The following NKAIN2 variants were observed in gnomAD, a reference collection of about 807,000 sequenced individuals.
The protein encoded by NKAIN2 is sodium/potassium-transporting ATPase subunit beta-1-interacting protein 2.
Under a neutral mutation model 32.6 loss-of-function variants are expected in NKAIN2, and 14 were observed. The observed-to-expected ratio is 0.43, with a 90% confidence interval of 0.28 to 0.67. The LOEUF (loss-of-function observed/expected upper bound fraction) is 0.67. NKAIN2 is among the 30% of genes least tolerant of loss of function. NKAIN2 has a pLI of 0.17. For synonymous variants in NKAIN2, 80 were observed against 87.2 expected (o/e 0.92, Z 0.46); for missense variants, 198 against 258.3 (o/e 0.77, Z 1.60).
intron 1 of NKAIN2, among the ~76,000 whole-genome samples, chr6:124,242,306 C>G (rs1793148412): frequency 1.3e-5 from 2 of 152,114 alleles, no homozygotes; most frequent in Admixed American, 6.6e-5. Context: ...CTCATCATCA[C>G]TGGTCATTAG....
chr6:124,478,255 T>G (rs1168693837), intron 3 of NKAIN2, among the ~76,000 whole-genome samples: 1 of 152,186 alleles, frequency 6.6e-6, no homozygotes, highest in Non-Finnish European at 1.5e-5. Context: ...TAATATTAGT[T>G]GCACTGTCAG....
chr6:124,817,035 A>T (rs1234948299), intron 5 of NKAIN2, among the ~76,000 whole-genome samples: 1 of 152,168 alleles, frequency 6.6e-6, no homozygotes, highest in Non-Finnish European at 1.5e-5. Flanking sequence ...ACAGGCACAG[A>T]GGGGATGGCT....
chr6:124,710,554 T>G (rs1170654429), intron 4 of NKAIN2, among the ~76,000 whole-genome samples: 3 of 152,132 alleles, frequency 2.0e-5, no homozygotes, highest in Non-Finnish European at 2.9e-5. Context: ...TTAGCTCTTC[T>G]TGTTGAATTG....
intron 1 of NKAIN2, among the ~76,000 whole-genome samples, chr6:123,997,847 C>T (rs1461378772): frequency 1.3e-5 from 2 of 152,038 alleles, no homozygotes; most frequent in Non-Finnish European, 2.9e-5. Context: ...TCGTGATCCT[C>T]CCGCCTCGGC....
intron 1 of NKAIN2, among the ~76,000 whole-genome samples, chr6:124,015,213 C>A (rs1780510002): frequency 6.6e-6 from 1 of 152,108 alleles, no homozygotes; most frequent in Non-Finnish European, 1.5e-5. Flanking sequence ...GGGATGCTTT[C>A]TCTTTCTTGG....
intron 3 of NKAIN2, among the ~76,000 whole-genome samples, chr6:124,380,767 T>G (rs1772600513): frequency 6.6e-6 from 1 of 152,202 alleles, no homozygotes; most frequent in Admixed American, 6.5e-5. Flanking sequence ...GAGATCTGTA[T>G]AACTTGGCAA....
At chr6:124,734,439 C>T (rs1390335252) in intron 4 of NKAIN2, among the ~76,000 whole-genome samples, 2 of 148,104 alleles carry the variant, frequency 1.4e-5, no homozygotes, top group Admixed American at 6.9e-5. Context: ...TTCTCCTTTG[C>T]TTAAAATCTT....
chr6:124,631,185 T>C (rs751186747), intron 3 of NKAIN2, among the ~76,000 whole-genome samples: 5 of 152,158 alleles, frequency 3.3e-5, no homozygotes, highest in Admixed American at 1.3e-4. Flanking sequence ...CTAAAGAGAT[T>C]CTCAAAGTGC....
At chr6:124,625,614 CTTACTTCACT>C (rs1469446422) in intron 3 of NKAIN2, among the ~76,000 whole-genome samples, 7 of 152,088 alleles carry the variant, frequency 4.6e-5, no homozygotes, top group African/African-American at 1.7e-4. Context: ...AATAGCTTAT[CTTACTTCACT>C]TTTTACAATG....
chr6:123,834,894 G>A (rs1774548778), intron 1 of NKAIN2, among the ~76,000 whole-genome samples: 1 of 152,116 alleles, frequency 6.6e-6, no homozygotes, highest in African/African-American at 2.4e-5. Context: ...TGTTGAACCA[G>A]CCTTACATAC....
chr6:124,622,477 C>A (rs1783143118), intron 3 of NKAIN2, among the ~76,000 whole-genome samples: 1 of 152,188 alleles, frequency 6.6e-6, no homozygotes, highest in Non-Finnish European at 1.5e-5. Flanking sequence ...TGTTACAATG[C>A]TCTCTTAGCC....
At chr6:123,996,591 TA>T (rs1013752422) in intron 1 of NKAIN2, among the ~76,000 whole-genome samples, 1 of 152,126 alleles carries the variant, frequency 6.6e-6, no homozygotes, top group African/African-American at 2.4e-5. Flanking sequence ...AATTAACTAG[TA>T]AAATAGTATT....
At chr6:124,118,421 T>C (rs1785720812) in intron 1 of NKAIN2, among the ~76,000 whole-genome samples, 1 of 152,158 alleles carries the variant, frequency 6.6e-6, no homozygotes, top group Non-Finnish European at 1.5e-5. Flanking sequence ...TTTTCACTTC[T>C]AAATGAAGAG....
At chr6:124,766,424 A>G (rs1439639577) in intron 4 of NKAIN2, among the ~76,000 whole-genome samples, 2 of 152,114 alleles carry the variant, frequency 1.3e-5, no homozygotes, top group African/African-American at 4.8e-5. Context: ...TTCCTCTGAA[A>G]CTTAAACATT....
In NKAIN2 at chr6:124,225,682, A is replaced by C. The variant is rs147707532; in HGVS notation, c.55-57323A>C. On this transcript the variant is annotated intron_variant, in intron 1 of 6. Transcript: ENST00000368417. ...ATAAATATATAAAAATATGAGAAACACTTATTTTTATTGATTATTTTCAAA... is the reference window on the plus strand; with the variant it reads ...ATAAATATATAAAAATATGAGAAACCCTTATTTTTATTGATTATTTTCAAA... Among the ~76,000 whole-genome samples, 53 of 152,102 alleles carry C rather than the reference A, an allele frequency of 3.5e-4. 1 individual carries two copies. In the East Asian group the frequency reaches 9.5e-3, roughly 27 times the overall value.
At chr6:124,365,352 A>C in intron 3 of NKAIN2, among the ~76,000 whole-genome samples, 1 of 151,910 alleles carries the variant, frequency 6.6e-6, no homozygotes, top group East Asian at 1.9e-4. Context: ...TGTTCCTATA[A>C]AAACAAATAT....
At chr6:124,423,372 A>G (rs1368827101) in intron 3 of NKAIN2, among the ~76,000 whole-genome samples, 1 of 152,214 alleles carries the variant, frequency 6.6e-6, no homozygotes, top group African/African-American at 2.4e-5. Flanking sequence ...TGATCAATAC[A>G]TCTTACCTTT....
intron 1 of NKAIN2, among the ~76,000 whole-genome samples, chr6:123,976,410 T>C (rs1778639688): frequency 1.4e-5 from 1 of 70,318 alleles, no homozygotes; most frequent in African/African-American, 5.7e-5. Flanking sequence ...TATATATATA[T>C]ATATATGGAA....
chr6:124,176,031 G>T (rs538739850), intron 1 of NKAIN2, among the ~76,000 whole-genome samples: 6 of 152,104 alleles, frequency 3.9e-5, no homozygotes, highest in Non-Finnish European at 7.4e-5. Flanking sequence ...TGTAGTTTAG[G>T]CTCCAGACTA....
Sources: gnomAD v4.1 joint callset for allele counts (sites outside exome capture counted in the v4.1 genomes callset) on GRCh38, gnomAD v4.1.1 for gene constraint, MANE v1.5 for transcripts, NCBI Gene and HGNC (gene_info 2026-07-23, HGNC 2026-07-21) for gene names.